RNF11: variants seen among roughly 807,000 people sequenced by gnomAD.
RNF11 encodes ring finger protein 11.
In RNF11, 4 loss-of-function variants were observed where a neutral mutation model predicts 15.8. The ratio of observed to expected loss-of-function variants is 0.25; its 90% confidence interval spans 0.12 to 0.58. The LOEUF (loss-of-function observed/expected upper bound fraction) is 0.58, where lower values mean the gene tolerates loss of function less well. RNF11 is among the 20% of genes least tolerant of loss of function. RNF11 has a pLI of 0.91. For synonymous variants in RNF11, 68 were observed against 72.3 expected, an observed-to-expected ratio of 0.94 and a Z score of 0.30; for missense variants, 139 against 194.4, an observed-to-expected ratio of 0.71 and a Z score of 1.70.
intron 1 of RNF11, among the ~76,000 whole-genome samples, chr1:51,263,704 C>G (rs1646940854): frequency 6.6e-6 from 1 of 152,044 alleles, no homozygotes. Context: ...TCTATAGAGA[C>G]AAAAAGCAAA....
intron 1 of RNF11, among the ~76,000 whole-genome samples, chr1:51,257,926 T>C (rs1646912799): frequency 6.9e-6 from 1 of 144,436 alleles, no homozygotes; most frequent in Non-Finnish European, 1.5e-5. Flanking sequence ...CAATCTTGGC[T>C]CACTGAAACC....
intron 1 of RNF11, among the ~76,000 whole-genome samples, chr1:51,258,928 G>A (rs1233016434): frequency 3.3e-5 from 5 of 152,074 alleles, no homozygotes; most frequent in Admixed American, 1.3e-4. Flanking sequence ...TATATTTAGC[G>A]TTTGCACCAC....
intron 1 of RNF11, among the ~76,000 whole-genome samples, chr1:51,255,988 A>G (rs756790898): frequency 1.3e-5 from 2 of 151,904 alleles, no homozygotes; most frequent in East Asian, 1.9e-4. Context: ...TCAACTGTCA[A>G]TTTCTGCAAA....
intron 1 of RNF11, among the ~76,000 whole-genome samples, chr1:51,253,980 A>G (rs904504750): frequency 5.9e-5 from 9 of 151,934 alleles, no homozygotes; most frequent in Admixed American, 1.3e-4. Context: ...AAAAAAAAAA[A>G]GGGAAGGAAT....
chr1:51,264,667 G>A (rs1557682444), intron 1 of RNF11, among the ~76,000 whole-genome samples: 1 of 152,134 alleles, frequency 6.6e-6, no homozygotes, highest in Non-Finnish European at 1.5e-5. Flanking sequence ...CGCTTTTGGT[G>A]ACAAGCTGCA....
chr1:51,252,919 C>T (rs1440556376), intron 1 of RNF11, among the ~76,000 whole-genome samples: 2 of 151,604 alleles, frequency 1.3e-5, no homozygotes, highest in Non-Finnish European at 2.9e-5. Context: ...CTCCACCTCC[C>T]AGGTTCAAGC....
intron 1 of RNF11, among the ~76,000 whole-genome samples, chr1:51,248,150 G>A (rs1246894896): frequency 7.4e-6 from 1 of 135,142 alleles, no homozygotes; most frequent in Non-Finnish European, 1.5e-5. Context: ...TGCTCAGGTT[G>A]GAGTGCAGTG....
chr1:51,267,657 G>A (rs553338526), intron 1 of RNF11, among the ~76,000 whole-genome samples: 2 of 152,236 alleles, frequency 1.3e-5, no homozygotes, highest in Non-Finnish European at 2.9e-5. Flanking sequence ...CTGATTCTCA[G>A]AGGGGAAGCA....
intron 1 of RNF11, among the ~76,000 whole-genome samples, chr1:51,259,001 A>G (rs759054664): frequency 6.6e-6 from 1 of 152,216 alleles, no homozygotes; most frequent in Non-Finnish European, 1.5e-5. Context: ...GAAAAAGGAC[A>G]TGTATCCCAT....
intron 2 of RNF11, 148 bp downstream of exon 2, chr1:51,270,273 T>C: frequency 3.2e-6 from 2 of 634,136 alleles, no homozygotes; most frequent in Admixed American, 3.2e-5. Context: ...TTTTTTTTCA[T>C]AGCTCTATTA....
rs1308199317 is a variant in RNF11 at position 51,257,119 on chromosome 1, C to T, written c.124-12837C>T. On this transcript the variant is annotated intron_variant, in intron 1 of 2. Coordinates refer to ENST00000242719, the MANE Select transcript of RNF11 (RefSeq NM_014372.5). ...ATTTTTTGTTTTAATTTGCAGTTCT[C>T]AGTGCTTCTCAGTACCTCCCACCCA... is the stretch of plus-strand genomic sequence containing the variant. 2.6e-5 allele frequency among the ~76,000 whole-genome samples: 4 copies of T among 152,180 alleles called. No individual in the cohort carries two copies. In the South Asian group the frequency reaches 8.3e-4, roughly 32 times the overall value.
intron 1 of RNF11, among the ~76,000 whole-genome samples, chr1:51,253,283 G>C (rs1646889293): frequency 6.6e-6 from 1 of 152,098 alleles, no homozygotes; most frequent in South Asian, 2.1e-4. Flanking sequence ...TCAGTGCTTT[G>C]GGATGCCAAG....
chr1:51,253,305 C>T (rs957634880), intron 1 of RNF11, among the ~76,000 whole-genome samples: 7 of 151,750 alleles, frequency 4.6e-5, no homozygotes, highest in African/African-American at 1.5e-4. Flanking sequence ...TGAGAGGATC[C>T]CTTAAGGGAA....
chr1:51,249,374 G>A (rs1646866867), intron 1 of RNF11, among the ~76,000 whole-genome samples: 1 of 152,164 alleles, frequency 6.6e-6, no homozygotes, highest in Non-Finnish European at 1.5e-5. Flanking sequence ...GGGATTACAG[G>A]TGTGAGCCAC....
chr1:51,256,100 GT>G (rs1646902975), intron 1 of RNF11, among the ~76,000 whole-genome samples: 1 of 152,030 alleles, frequency 6.6e-6, no homozygotes, highest in Non-Finnish European at 1.5e-5. Flanking sequence ...CAAACCCACT[GT>G]TTATCTTAGA....
At chr1:51,263,877 G>T (rs1474194628) in intron 1 of RNF11, among the ~76,000 whole-genome samples, 1 of 152,110 alleles carries the variant, frequency 6.6e-6, no homozygotes, top group African/African-American at 2.4e-5. Context: ...TAGGGAAATA[G>T]AATGTGAATT....
Position 51,236,755 on chromosome 1 carries a change from A to G in RNF11, c.-2A>G, listed in dbSNP as rs1569644731. 6.2e-7 allele frequency: 1 copy of G among 1,613,108 alleles called. No homozygotes were observed. The highest frequency in any genetic ancestry group is 8.5e-7 in the Non-Finnish European group (1 of 1,179,658). On this transcript the variant is annotated 5_prime_UTR_variant, in exon 1 of 3. Coordinates refer to ENST00000242719, the MANE Select transcript of RNF11 (RefSeq NM_014372.5). Reference sequence around the variant, plus strand: ...CCAGATCACGCACCCCAGCTCCGGAAGATGGGGAACTGCCTCAAATCCCCC... The same window carrying G: ...CCAGATCACGCACCCCAGCTCCGGAGGATGGGGAACTGCCTCAAATCCCCC...
chr1:51,255,791 A>G (rs2148070392), intron 1 of RNF11, among the ~76,000 whole-genome samples: 1 of 152,298 alleles, frequency 6.6e-6, no homozygotes, highest in South Asian at 2.1e-4. Flanking sequence ...TATAAATATG[A>G]GAGTACATCT....
At chr1:51,238,055 C>A (rs1290612486) in intron 1 of RNF11, among the ~76,000 whole-genome samples, 2 of 152,174 alleles carry the variant, frequency 1.3e-5, no homozygotes, top group African/African-American at 4.8e-5. Flanking sequence ...ATTACAGAAG[C>A]CTCCATGACT....
Sources: allele counts gnomAD v4.1 joint callset (sites outside exome capture counted in the v4.1 genomes callset), GRCh38; gene constraint gnomAD v4.1.1; transcripts MANE v1.5; gene names NCBI Gene and HGNC (gene_info 2026-07-23, HGNC 2026-07-21).